Variants in BAZ2B observed in about 807,000 individuals in gnomAD.
BAZ2B encodes bromodomain adjacent to zinc finger domain 2B.
In BAZ2B, 91 loss-of-function variants were observed where a neutral mutation model predicts 246.0. That is an observed-to-expected ratio of 0.37 (90% CI 0.31 to 0.44). BAZ2B has a LOEUF of 0.44. Among genes scored for constraint, BAZ2B ranks in the 20% least tolerant of loss-of-function variants. The pLI, the probability that BAZ2B is intolerant of heterozygous loss-of-function variation, is 1.00. For missense variants in BAZ2B, 2,332 were observed against 2,533.7 expected (o/e 0.92, Z 1.71); for synonymous variants, 855 against 860.0 (o/e 0.99, Z 0.10).
At chr2:159,622,348 G>A in the BAZ2B span, among the ~76,000 whole-genome samples, 2 of 150,898 alleles carry the variant, frequency 1.3e-5, no homozygotes, top group Non-Finnish European at 2.9e-5. Context: ...ACTTGGATCT[G>A]CTCCAAAAAT....
At position 159,524,934 on chromosome 2, in the gene BAZ2B, C is replaced by T. The variant is rs1386110919; in HGVS notation, c.-3+30889G>A. On this transcript the variant is annotated intron_variant, in intron 2 of 36. Coordinates refer to ENST00000392783, the MANE Select transcript of BAZ2B (RefSeq NM_013450.4). Reference sequence around the variant, plus strand: ...AGAATAAAATAAATACATGGTAGTCCCAGCTACTCAGGAAACTGAGGCAGG... The same window carrying T: ...AGAATAAAATAAATACATGGTAGTCTCAGCTACTCAGGAAACTGAGGCAGG... 2.0e-5 allele frequency among the ~76,000 whole-genome samples: 3 copies of T among 151,826 alleles called. No homozygotes were observed. In the East Asian group the frequency reaches 5.8e-4, roughly 29 times the overall value.
chr2:159,559,989 G>T (rs1156334001), intron 1 of BAZ2B, among the ~76,000 whole-genome samples: 1 of 152,026 alleles, frequency 6.6e-6, no homozygotes, highest in African/African-American at 2.4e-5. Flanking sequence ...CTACCAATGT[G>T]GGAAAAGAAT....
chr2:159,473,392 T>C (rs2078081010), intron 3 of BAZ2B, among the ~76,000 whole-genome samples: 1 of 152,238 alleles, frequency 6.6e-6, no homozygotes, highest in Non-Finnish European at 1.5e-5. Context: ...GTAGTTTGTA[T>C]TTCTGTGGGA....
intron 20 of BAZ2B, among the ~76,000 whole-genome samples, chr2:159,392,617 G>A (rs186301861): frequency 6.6e-6 from 1 of 151,946 alleles, no homozygotes. Flanking sequence ...TCTTGAGCCT[G>A]TATCAGTCCA....
chr2:159,455,943 T>C (rs1228693468), intron 3 of BAZ2B, among the ~76,000 whole-genome samples: 1 of 152,006 alleles, frequency 6.6e-6, no homozygotes, highest in East Asian at 1.9e-4. Context: ...GTTTTATTTA[T>C]AAACATACTA....
chr2:159,548,516 TC>T (rs58187305), intron 2 of BAZ2B, among the ~76,000 whole-genome samples: 48,363 of 152,110 alleles, frequency 0.32, 9,645 homozygotes, highest in Admixed American at 0.44. Flanking sequence ...TAATGATATA[TC>T]TTTTAAAATT....
rs1254227487 is a variant in BAZ2B, at chr2:159,432,806, T to C, written c.1851A>G (p.Glu617=). Residue 617 remains glutamate, a synonymous_variant, in exon 9 of 37, where the codon GAA becomes GAG. Transcript: ENST00000392783. The stretch of plus-strand genomic sequence containing the variant: ...CATCTTCATCATCTTCCTCATCTTC[T>C]TCTTCATCATCTTCCTCTTCATCCT... ...SNEDEEEDDE[E]EDEEDDEDDE... is the part of the protein sequence containing the mutation. 1 of 1,613,832 alleles carries C rather than the reference T, an allele frequency of 6.2e-7. No homozygotes were observed.
intron 13 of BAZ2B, among the ~76,000 whole-genome samples, chr2:159,413,430 G>A (rs1325465685): frequency 6.6e-6 from 1 of 152,160 alleles, no homozygotes; most frequent in African/African-American, 2.4e-5. Context: ...GGACTGGCCG[G>A]GCACAGTGGC....
chr2:159,633,152 CTT>C, the BAZ2B span, among the ~76,000 whole-genome samples: 1,553 of 144,790 alleles, frequency 0.011, 7 homozygotes, highest in Admixed American at 0.015. Context: ...CCCAGAAAGT[CTT>C]TTTTTTTTTT....
intron 1 of BAZ2B, among the ~76,000 whole-genome samples, chr2:159,610,974 C>CAT (rs1694601022): frequency 6.6e-6 from 1 of 151,912 alleles, no homozygotes; most frequent in Non-Finnish European, 1.5e-5. Context: ...ATTTAAAAGT[C>CAT]ATATATATTC....
At chr2:159,323,794 A>G (rs1482893228) in intron 36 of BAZ2B, among the ~76,000 whole-genome samples, 1 of 135,604 alleles carries the variant, frequency 7.4e-6, no homozygotes, top group Admixed American at 7.5e-5. Context: ...CAAAAGTGAA[A>G]CTCTCTCAAA....
the BAZ2B span, among the ~76,000 whole-genome samples, chr2:159,657,504 G>T: frequency 6.6e-6 from 1 of 152,068 alleles, no homozygotes; most frequent in Non-Finnish European, 1.5e-5. Flanking sequence ...AAAATAATTG[G>T]CAATGACTTT....
intron 2 of BAZ2B, among the ~76,000 whole-genome samples, chr2:159,506,533 G>A (rs912080007): frequency 1.3e-5 from 2 of 152,142 alleles, no homozygotes; most frequent in African/African-American, 4.8e-5. Flanking sequence ...CTTAGATGGA[G>A]GAATATCTCC....
chr2:159,504,217 T>C (rs1278173067), intron 2 of BAZ2B, among the ~76,000 whole-genome samples: 3 of 152,254 alleles, frequency 2.0e-5, no homozygotes, highest in African/African-American at 7.2e-5. Flanking sequence ...AATGTGCAGG[T>C]TAGTTACATA....
intron 1 of BAZ2B, among the ~76,000 whole-genome samples, chr2:159,578,503 T>G (rs1685904673): frequency 6.6e-6 from 1 of 152,136 alleles, no homozygotes; most frequent in Non-Finnish European, 1.5e-5. Context: ...AATGCTTACA[T>G]TAGACAGATC....
intron 1 of BAZ2B, among the ~76,000 whole-genome samples, chr2:159,595,108 C>CTT (rs35331660): frequency 1.2e-3 from 177 of 148,176 alleles, no homozygotes; most frequent in African/African-American, 2.3e-3. Context: ...TAAACATATA[C>CTT]TTTTTTTTTT....
intron 27 of BAZ2B, among the ~76,000 whole-genome samples, chr2:159,360,976 C>A (rs1278544230): frequency 1.3e-5 from 2 of 152,024 alleles, no homozygotes; most frequent in East Asian, 3.9e-4. Context: ...ACTTAAACGT[C>A]AGACCTAAAA....
At chr2:159,710,022 T>C in the BAZ2B span, among the ~76,000 whole-genome samples, 1 of 152,078 alleles carries the variant, frequency 6.6e-6, no homozygotes, top group Non-Finnish European at 1.5e-5. Flanking sequence ...GGATAAAAAG[T>C]AGCAAGGGAA....
At chr2:159,676,326 C>G in the BAZ2B span, among the ~76,000 whole-genome samples, 1 of 152,130 alleles carries the variant, frequency 6.6e-6, no homozygotes, top group African/African-American at 2.4e-5. Flanking sequence ...ATCCACCATG[C>G]CTGGCTTCAA....
Sources: allele counts gnomAD v4.1 joint callset (sites outside exome capture counted in the v4.1 genomes callset), GRCh38; gene constraint gnomAD v4.1.1; transcripts MANE v1.5; gene names NCBI Gene and HGNC (gene_info 2026-07-23, HGNC 2026-07-21).